The following DHDDS variants were observed in gnomAD, a reference collection of about 807,000 sequenced individuals.
DHDDS encodes the protein dehydrodolichyl diphosphate synthase subunit.
In DHDDS, 16 loss-of-function variants were observed where a neutral mutation model predicts 46.2. The observed-to-expected ratio is 0.35, with a 90% CI of 0.23 to 0.53. DHDDS has a LOEUF of 0.53. Ranked by LOEUF, DHDDS falls within the 20% of genes least tolerant of loss-of-function variation. The pLI is 0.94. For missense variants in DHDDS, 340 were observed against 423.7 expected (o/e 0.80, Z 1.73); for synonymous variants, 151 against 163.1 (o/e 0.93, Z 0.56).
intron 2 of DHDDS, among the ~76,000 whole-genome samples, chr1:26,434,183 C>T (rs149693171): frequency 0.013 from 1,949 of 152,336 alleles, 33 homozygotes; most frequent in African/African-American, 0.044. Flanking sequence ...CATTTGAAGA[C>T]TATTATCTCC....
Position 26,469,270 on chromosome 1 carries a change from G to T in DHDDS, c.*139G>T. The T allele has an allele frequency of 6.5e-7, 1 of 1,527,244 alleles. No homozygotes were observed. Among genetic ancestry groups the T allele is most frequent in the South Asian group, 1.2e-5 (1 of 86,014 alleles). The allele number at this position is 1,527,244 out of a possible 1,614,324, so 94.6% of individuals were successfully genotyped here. On this transcript the variant is annotated 3_prime_UTR_variant, in exon 9 of 9. Coordinates refer to ENST00000236342, the MANE Select transcript of DHDDS (RefSeq NM_205861.3). ...CTTGGCTGGGGAGCCCCCCAGGCCA[G>T]GTTTGCTGGCCATAGATACCTTTGG...
intron 8 of DHDDS, chr1:26,467,360 A>G (rs765288462): frequency 1.9e-5 from 9 of 471,452 alleles, no homozygotes; most frequent in South Asian, 6.2e-5. Context: ...CTCTACGGCA[A>G]CTGTTCAAGC....
At chr1:26,441,214 C>G (rs1029253132) in intron 3 of DHDDS, among the ~76,000 whole-genome samples, 1 of 151,644 alleles carries the variant, frequency 6.6e-6, no homozygotes, top group Non-Finnish European at 1.5e-5. Flanking sequence ...TGAGCCACCA[C>G]GCCCGGCCTG....
At position 26,443,553 on chromosome 1, in the gene DHDDS, G is replaced by C. The variant is rs1023516765; in HGVS notation, c.323+680G>C. Among the ~76,000 whole-genome samples the C allele has an allele frequency of 2.1e-5, 3 of 145,600 alleles. No homozygotes were observed. The Admixed American group carries it at 2.2e-4, about 11-fold the overall frequency. ...TGGAGACTGCTTGCTTCAAAGTATG[G>C]AGCCCTTACCAGCCAGAATTGCCCG... On this transcript the variant is annotated intron_variant, in intron 4 of 8. Transcript: ENST00000236342.
In DHDDS at chr1:26,469,646, G is replaced by T. The variant is rs747837144; in HGVS notation, c.*515G>T. The T allele has an allele frequency of 9.1e-4, 208 of 227,534 alleles. No individual in the cohort carries two copies. The highest frequency in any genetic ancestry group is 1.5e-3 in the Non-Finnish European group (162 of 111,556). 14.1% of individuals were successfully genotyped at this position (227,534 alleles called of 1,614,324 possible). A position where few individuals can be genotyped will look rare whatever the true frequency, so the allele number is the denominator to read the frequency against. On this transcript the variant is annotated 3_prime_UTR_variant, in exon 9 of 9. Coordinates refer to ENST00000236342, the MANE Select transcript of DHDDS (RefSeq NM_205861.3). ...GAGACAGAAAATTTGCCCATCTGCT[G>T]CTCCTCCCCCTTGGCTCTCCACCTG...
At chr1:26,453,095 C>CACAG (rs2075336492) in intron 6 of DHDDS, among the ~76,000 whole-genome samples, 1 of 140,602 alleles carries the variant, frequency 7.1e-6, no homozygotes, top group African/African-American at 2.8e-5. Flanking sequence ...CTGTCTGAAA[C>CACAG]ACACACACAC....
rs1033812946 is a variant in DHDDS, at chr1:26,447,665, C to G, written c.542+5C>G. 6.2e-7 allele frequency: 1 copy of G among 1,613,036 alleles called. No homozygotes were observed. The highest frequency in any genetic ancestry group is 2.2e-5 in the East Asian group (1 of 44,872). ...GCAAGGCCTGTTGGATCCCAGGTAT[C>G]CCGAGTTGTTTTGCATGGTAATTGT... is the stretch of plus-strand genomic sequence containing the variant. On this transcript the variant is annotated splice_donor_5th_base_variant and intron_variant, in intron 6 of 8. Transcript: ENST00000236342.
Position 26,447,631 on chromosome 1 carries a change from G to C in DHDDS, c.513G>C (p.Trp171Cys), listed in dbSNP as rs2075282065. The change falls in exon 6 of 9, where the codon TGG becomes TGC. Residue 171 changes from tryptophan to cysteine, a missense_variant. Physicochemically the swap from Trp to Cys is radical, Grantham distance 215. Around this residue, in one of 2 missense-constraint regions of DHDDS, gnomAD observed 268 missense variants for 300.3 expected, o/e 0.89. Transcript: ENST00000236342. ...EISNAVREMA[W>C]GVEQGLLDPS... Reference sequence around the variant, plus strand: ...GCAATGCTGTGAGAGAGATGGCCTGGGGGGTGGAGCAAGGCCTGTTGGATC... The same window carrying C: ...GCAATGCTGTGAGAGAGATGGCCTGCGGGGTGGAGCAAGGCCTGTTGGATC... 2 of 1,614,048 alleles carry C rather than the reference G, an allele frequency of 1.2e-6. No homozygotes were observed. Among genetic ancestry groups the C allele is most frequent in the Non-Finnish European group, 8.5e-7 (1 of 1,180,030 alleles).
At chr1:26,457,242 C>T (rs1018000233) in intron 6 of DHDDS, among the ~76,000 whole-genome samples, 1 of 149,638 alleles carries the variant, frequency 6.7e-6, no homozygotes, top group Non-Finnish European at 1.5e-5. Flanking sequence ...GGGCGGATCA[C>T]GAGGTCAGGA....
intron 6 of DHDDS, among the ~76,000 whole-genome samples, chr1:26,452,224 G>C (rs114137746): frequency 9.4e-4 from 143 of 151,810 alleles, no homozygotes; most frequent in African/African-American, 3.4e-3. Context: ...TTTTGACTTT[G>C]TAGAGACAGG....
At chr1:26,468,804 AC>A (rs2075519309) in intron 8 of DHDDS, 90 bp from the exon 9 acceptor site, 2 of 380,350 alleles carry the variant, frequency 5.3e-6, no homozygotes, top group Non-Finnish European at 8.4e-6. Flanking sequence ...CACTTGGCCC[AC>A]CCTGTGCCCC....
chr1:26,438,063 A>G, intron 2 of DHDDS, 105 bp from the exon 3 acceptor site: 1 of 1,170,852 alleles, frequency 8.5e-7, no homozygotes, highest in South Asian at 1.2e-5. Context: ...TCCCTTCGTC[A>G]GGGTTTTCAT....
rs528856116 is a variant in DHDDS at position 26,469,211 on chromosome 1, C to T, written c.*80C>T. On this transcript the variant is annotated 3_prime_UTR_variant, in exon 9 of 9. Transcript: ENST00000236342. ...CCCTTCCTTTTCTTGGTGAAAGGCA[C>T]CTCCTTTCCTGATAATGAATGGTGT... The T allele has an allele frequency of 2.1e-5, 34 of 1,601,434 alleles. No individual in the cohort carries two copies. The highest frequency in any genetic ancestry group is 8.9e-5 in the East Asian group (4 of 44,862).
At chr1:26,453,093 A>AACAC (rs57753843) in intron 6 of DHDDS, among the ~76,000 whole-genome samples, 7,870 of 146,442 alleles carry the variant, frequency 0.054, 198 homozygotes, top group South Asian at 0.07. Context: ...CCCTGTCTGA[A>AACAC]ACACACACAC....
intron 8 of DHDDS, among the ~76,000 whole-genome samples, chr1:26,461,605 G>A (rs374481533): frequency 6.6e-6 from 1 of 152,070 alleles, no homozygotes; most frequent in South Asian, 2.1e-4. Flanking sequence ...GGCTGGTCTT[G>A]AACTCTTTAC....
chr1:26,454,742 A>T, intron 6 of DHDDS: 1 of 1,589,108 alleles, frequency 6.3e-7, no homozygotes, highest in Non-Finnish European at 8.5e-7. Flanking sequence ...TTCAGTAAGG[A>T]TCATCTCAAT....
At chr1:26,450,299 A>G (rs901921066) in intron 6 of DHDDS, among the ~76,000 whole-genome samples, 2 of 152,096 alleles carry the variant, frequency 1.3e-5, no homozygotes. Flanking sequence ...TGCACCACCT[A>G]CCCAGCTAAC....
intron 2 of DHDDS, 81 bp from the exon 3 acceptor site, chr1:26,438,085 AAC>A: frequency 6.9e-7 from 1 of 1,452,226 alleles, no homozygotes; most frequent in Non-Finnish European, 9.7e-7. Context: ...ACATAGCCCA[AAC>A]ATATCACCTT....
chr1:26,467,027 C>T, intron 8 of DHDDS: 1 of 207,142 alleles, frequency 4.8e-6, no homozygotes. Flanking sequence ...GAATATTCTC[C>T]CTGCCCCCCA....
Sources: allele counts gnomAD v4.1 joint callset (sites outside exome capture counted in the v4.1 genomes callset), GRCh38; gene constraint gnomAD v4.1.1; regional missense constraint gnomAD v4.1.1; transcripts MANE v1.5; gene names NCBI Gene and HGNC (gene_info 2026-07-23, HGNC 2026-07-21).